Variants in PTPRD observed in about 807,000 individuals in gnomAD.
The protein encoded by PTPRD is protein tyrosine phosphatase receptor type D.
PTPRD carries 34 observed loss-of-function variants against 214.5 expected under a neutral mutation model. The ratio of observed to expected loss-of-function variants is 0.16; its 90% CI spans 0.12 to 0.21. The LOEUF (loss-of-function observed/expected upper bound fraction) is 0.21. Among genes scored for constraint, PTPRD ranks in the 10% least tolerant of loss-of-function variants. The pLI is 1.00. For missense variants in PTPRD, 2,545 were observed against 2,398.7 expected (o/e 1.06, Z -1.27); for synonymous variants, 1,128 against 845.7 (o/e 1.33, Z -5.79).
chr9:9,304,437 A>G (rs1956461460), intron 9 of PTPRD, among the ~76,000 whole-genome samples: 1 of 152,016 alleles, frequency 6.6e-6, no homozygotes. Context: ...TGCAACTTTT[A>G]TTCTCTGCTT....
At chr9:10,350,755 T>C (rs1384249943) in intron 2 of PTPRD, among the ~76,000 whole-genome samples, 2 of 152,188 alleles carry the variant, frequency 1.3e-5, no homozygotes, top group African/African-American at 2.4e-5. Flanking sequence ...AATTCATCCA[T>C]GCATTGATTT....
Position 10,284,656 on chromosome 9 carries a change from C to A in PTPRD, c.-545+56307G>T, listed in dbSNP as rs1270232414. 2.6e-5 allele frequency among the ~76,000 whole-genome samples: 4 copies of A among 152,140 alleles called. No homozygotes were observed. The East Asian group carries it at 7.7e-4, about 29-fold the overall frequency. ...GTTCAGGTTCTCAAAAGGCTTCAAC[C>A]AAGTGTTGGCTAGGCTTAGTCTCTT... On this transcript the variant is annotated intron_variant, in intron 3 of 45. Transcript: ENST00000381196.
chr9:9,953,377 G>A (rs1213547220), intron 4 of PTPRD, among the ~76,000 whole-genome samples: 1 of 151,810 alleles, frequency 6.6e-6, no homozygotes. Context: ...TTCAGTAACA[G>A]GTGTACTAAA....
At chr9:10,366,676 G>A (rs776732982) in intron 2 of PTPRD, among the ~76,000 whole-genome samples, 5 of 152,108 alleles carry the variant, frequency 3.3e-5, no homozygotes, top group Non-Finnish European at 5.9e-5. Flanking sequence ...AAGTAGATGA[G>A]TGATGTAATG....
rs866034576 is a variant in PTPRD at position 8,370,211 on chromosome 9, C to T, written c.4661+5725G>A. ...CATGCACTGCACATATATATATACA[C>T]ACACACACACACACACACACACACA... is the stretch of plus-strand genomic sequence containing the variant. On this transcript the variant is annotated intron_variant, in intron 39 of 45. Transcript: ENST00000381196. 4.3e-3 allele frequency among the ~76,000 whole-genome samples: 284 copies of T among 66,012 alleles called. 3 individuals carry two copies. The highest frequency in any genetic ancestry group is 0.013 in the Middle Eastern group (2 of 154). 43.3% of individuals were successfully genotyped at this position (66,012 alleles called of 152,430 possible).
chr9:8,849,951 A>G (rs10977320), intron 11 of PTPRD, among the ~76,000 whole-genome samples: 48,674 of 152,044 alleles, frequency 0.32, 8,649 homozygotes, highest in South Asian at 0.43. Context: ...TGCAGAACAC[A>G]TAGGAAAGGT....
intron 8 of PTPRD, among the ~76,000 whole-genome samples, chr9:9,401,897 G>A (rs775283179): frequency 7.2e-5 from 11 of 151,824 alleles, no homozygotes; most frequent in African/African-American, 1.9e-4. Context: ...TTCTCCTTCC[G>A]CCATTATTGT....
In PTPRD at chr9:9,027,585, A is replaced by G. The variant is rs1469917719; in HGVS notation, c.-142-8850T>C. Among the ~76,000 whole-genome samples, 3 of 151,894 alleles carry G rather than the reference A, an allele frequency of 2.0e-5. No individual in the cohort carries two copies. In the East Asian group the frequency reaches 5.8e-4, roughly 29 times the overall value. On this transcript the variant is annotated intron_variant, in intron 10 of 45. Transcript: ENST00000381196. ...TAATTTCCCTAATTCCAGTTATTGT[A>G]CTGCATATTTGTATCATAAAAATCT...
At chr9:10,389,025 T>TC (rs1481963250) in intron 2 of PTPRD, among the ~76,000 whole-genome samples, 1 of 151,854 alleles carries the variant, frequency 6.6e-6, no homozygotes, top group Non-Finnish European at 1.5e-5. Context: ...ATTGGAGTAA[T>TC]CATTTGTTGT....
At chr9:8,386,851 G>C (rs895033867) in intron 37 of PTPRD, among the ~76,000 whole-genome samples, 4 of 152,294 alleles carry the variant, frequency 2.6e-5, no homozygotes, top group Non-Finnish European at 5.9e-5. Context: ...AGATGGGAAT[G>C]ATGGGAGGGA....
chr9:8,449,557 A>G (rs1205039619), intron 34 of PTPRD, among the ~76,000 whole-genome samples, 168 bp downstream of exon 34: 2 of 152,236 alleles, frequency 1.3e-5, no homozygotes, highest in East Asian at 3.9e-4. Context: ...GAAAGAACTT[A>G]ATTTCCTTTC....
rs1349681969 is a variant in PTPRD at position 8,929,043 on chromosome 9, C to T, written c.-104+89654G>A. On this transcript the variant is annotated intron_variant, in intron 11 of 45. Coordinates refer to ENST00000381196, the MANE Select transcript of PTPRD (RefSeq NM_002839.4). Reference sequence around the variant, plus strand: ...GATTTTTTGCATGTTGATTTTGTATCCTGAGACTTTGCTGAAGTTGCTTAT... The same window carrying T: ...GATTTTTTGCATGTTGATTTTGTATTCTGAGACTTTGCTGAAGTTGCTTAT... Among the ~76,000 whole-genome samples, 5 of 152,186 alleles carry T rather than the reference C, an allele frequency of 3.3e-5. No homozygotes were observed. In the South Asian group the frequency reaches 6.2e-4, roughly 19 times the overall value.
At chr9:10,544,471 C>A (rs2059789645) in intron 2 of PTPRD, among the ~76,000 whole-genome samples, 1 of 151,920 alleles carries the variant, frequency 6.6e-6, no homozygotes, top group Non-Finnish European at 1.5e-5. Context: ...TACTTAAAAA[C>A]ACATTTTAAA....
At chr9:9,664,737 G>T (rs77835470) in intron 7 of PTPRD, among the ~76,000 whole-genome samples, 1 of 151,754 alleles carries the variant, frequency 6.6e-6, no homozygotes, top group African/African-American at 2.4e-5. Flanking sequence ...TTTTGAAGGA[G>T]TCTTGCAGTC....
At chr9:9,009,368 A>G (rs1373075577) in intron 11 of PTPRD, among the ~76,000 whole-genome samples, 1 of 152,038 alleles carries the variant, frequency 6.6e-6, no homozygotes, top group Non-Finnish European at 1.5e-5. Flanking sequence ...ACAATCCTAA[A>G]GGTAGTGTCT....
chr9:8,507,776 A>G (rs529474734), intron 21 of PTPRD, among the ~76,000 whole-genome samples: 43 of 152,236 alleles, frequency 2.8e-4, no homozygotes, highest in Non-Finnish European at 3.8e-4. Context: ...CACTTGAAAT[A>G]TTGCCAAAAG....
intron 11 of PTPRD, among the ~76,000 whole-genome samples, chr9:9,012,623 A>C (rs2154363205): frequency 6.6e-6 from 1 of 152,332 alleles, no homozygotes; most frequent in East Asian, 1.9e-4. Flanking sequence ...TTCTACTTTA[A>C]GTGGATGTGA....
chr9:9,779,784 C>G (rs1463125096), intron 5 of PTPRD, among the ~76,000 whole-genome samples: 1 of 152,180 alleles, frequency 6.6e-6, no homozygotes, highest in African/African-American at 2.4e-5. Context: ...CTTTTCTCCA[C>G]AGTCTTACCA....
chr9:9,264,647 A>G (rs956183526), intron 9 of PTPRD, among the ~76,000 whole-genome samples: 4 of 151,616 alleles, frequency 2.6e-5, no homozygotes, highest in African/African-American at 7.2e-5. Flanking sequence ...CCCTTTCCAA[A>G]TCTAAGAAAA....
Sources: allele counts gnomAD v4.1 joint callset (sites outside exome capture counted in the v4.1 genomes callset), GRCh38; gene constraint gnomAD v4.1.1; transcripts MANE v1.5; gene names NCBI Gene and HGNC (gene_info 2026-07-23, HGNC 2026-07-21).